UTRN: variants seen among roughly 807,000 people sequenced by gnomAD.
The protein encoded by UTRN is dystrophin-related protein 1.
In UTRN, 283 loss-of-function variants were observed where a neutral mutation model predicts 463.9. That is an observed-to-expected ratio of 0.61 (90% CI 0.55 to 0.67). The LOEUF is 0.67. Ranked by LOEUF, UTRN falls within the 30% of genes least tolerant of loss-of-function variation. UTRN has a pLI of 0.00. For synonymous variants in UTRN, 1,442 were observed against 1,431.5 expected, an observed-to-expected ratio of 1.01 and a Z score of -0.17; for missense variants, 3,922 against 4,084.3, an observed-to-expected ratio of 0.96 and a Z score of 1.08.
rs1426355314 is a variant in UTRN, at chr6:144,491,069, T to G, written c.4404T>G (p.Pro1468=). The G allele has an allele frequency of 2.5e-6, 4 of 1,612,652 alleles. No homozygotes were observed. The highest frequency in any genetic ancestry group is 2.5e-6 in the Non-Finnish European group (3 of 1,179,574). The change falls in exon 32 of 75, where the codon CCT becomes CCG. Residue 1468 remains proline, a synonymous_variant. Transcript: ENST00000367545. ...TTCTGGATGTGAAGGACGTAGACCC[T>G]GACGTCATACAGACGCACCTGGACA... The part of the protein sequence containing the change: ...LHVLDVKDVD[P]DVIQTHLDKC...
At position 144,825,031 on chromosome 6, in the gene UTRN, G is replaced by A. The variant is rs536977838; in HGVS notation, c.9495-2317G>A. 7.9e-5 allele frequency among the ~76,000 whole-genome samples: 12 copies of A among 151,950 alleles called. No individual in the cohort carries two copies. In the South Asian group the frequency reaches 1.7e-3, roughly 21 times the overall value. On this transcript the variant is annotated intron_variant, in intron 66 of 74. Transcript: ENST00000367545. ...ACACCTGGGCTCAAGTGATCCTCCC[G>A]CCTCAGCCTCCCAAAGTGCTGAGAT...
At chr6:144,606,583 T>C (rs1585531208) in intron 51 of UTRN, among the ~76,000 whole-genome samples, 1 of 152,194 alleles carries the variant, frequency 6.6e-6, no homozygotes, top group African/African-American at 2.4e-5. Context: ...CTCAAATTGA[T>C]CTGGGTCTTA....
At chr6:144,435,295 A>G (rs1361798939) in intron 9 of UTRN, among the ~76,000 whole-genome samples, 2 of 152,230 alleles carry the variant, frequency 1.3e-5, no homozygotes, top group African/African-American at 4.8e-5. Context: ...AAGCTCTTAA[A>G]GTATATATGG....
intron 51 of UTRN, among the ~76,000 whole-genome samples, chr6:144,603,987 A>G (rs1035815031): frequency 1.3e-5 from 2 of 152,240 alleles, no homozygotes; most frequent in Admixed American, 6.5e-5. Context: ...GATGCTTTCC[A>G]GAATATGAAT....
At position 144,449,558 on chromosome 6, in the gene UTRN, A is replaced by T. The variant is rs1168381191; in HGVS notation, c.2072+789A>T. On this transcript the variant is annotated intron_variant, in intron 17 of 74. Transcript: ENST00000367545. The stretch of plus-strand genomic sequence containing the variant: ...ATGGCCGTCTCTTCTCTGAAATATT[A>T]AATAGAAAGCTGCTGTTAAGATGAC... Among the ~76,000 whole-genome samples, 3 of 152,322 alleles carry T rather than the reference A, an allele frequency of 2.0e-5. No individual in the cohort carries two copies. The East Asian group carries it at 5.8e-4, about 29-fold the overall frequency.
At chr6:144,741,791 T>G (rs942473876) in intron 54 of UTRN, among the ~76,000 whole-genome samples, 1 of 152,210 alleles carries the variant, frequency 6.6e-6, no homozygotes, top group African/African-American at 2.4e-5. Context: ...TGGAGTTGCG[T>G]CTGTCTAGTG....
At position 144,751,967 on chromosome 6, in the gene UTRN, C is replaced by A. The variant is rs912018787; in HGVS notation, c.8355+15C>A. On this transcript the variant is annotated intron_variant, in intron 56 of 74. Transcript: ENST00000367545. Reference sequence around the variant, plus strand: ...AACTTTTACAGGTATCAGCTTATTCCCCTTCATAATGCAGGCTTACACCTT... The same window carrying A: ...AACTTTTACAGGTATCAGCTTATTCACCTTCATAATGCAGGCTTACACCTT... 5.0e-6 allele frequency: 8 copies of A among 1,596,296 alleles called. No individual in the cohort carries two copies. Among genetic ancestry groups the A allele is most frequent in the Non-Finnish European group, 6.8e-6 (8 of 1,172,568 alleles).
At chr6:144,777,290 A>G (rs969887295) in intron 60 of UTRN, among the ~76,000 whole-genome samples, 1 of 152,248 alleles carries the variant, frequency 6.6e-6, no homozygotes, top group South Asian at 2.1e-4. Context: ...ACAAAAATCA[A>G]TGAGCTAGTA....
In UTRN at chr6:144,429,736, A is replaced by G; in HGVS notation, c.850A>G (p.Ile284Val). 1 of 1,610,814 alleles carries G rather than the reference A, an allele frequency of 6.2e-7. No individual in the cohort carries two copies. The highest frequency in any genetic ancestry group is 8.5e-7 in the Non-Finnish European group (1 of 1,178,806). ...KKECEEEAIN[I>V]QSTAPEEEHE... ...AGAATGTGAAGAAGAGGCAATTAAT[A>G]TACAGGTACAGGTAACATTTTATTA... The change falls in exon 9 of 75, where the codon ATA becomes GTA. Residue 284 changes from isoleucine to valine, a missense_variant. Physicochemically the swap from Ile to Val is conservative, Grantham distance 29 (BLOSUM62 3). This residue lies in a region of UTRN where 2,349 missense variants were observed against 2,303.8 expected (regional missense o/e 1.02). Coordinates refer to ENST00000367545, the MANE Select transcript of UTRN (RefSeq NM_007124.3).
At chr6:144,673,863 A>G (rs1781307238) in intron 51 of UTRN, among the ~76,000 whole-genome samples, 1 of 152,092 alleles carries the variant, frequency 6.6e-6, no homozygotes, top group South Asian at 2.1e-4. Flanking sequence ...CTCAGCATTT[A>G]TTCATCTGAA....
intron 19 of UTRN, among the ~76,000 whole-genome samples, chr6:144,457,696 GC>G (rs1789000803): frequency 6.6e-6 from 1 of 152,118 alleles, no homozygotes; most frequent in African/African-American, 2.4e-5. Context: ...AGCATGATAT[GC>G]CCTCATTTAT....
At chr6:144,406,530 C>A (rs1783433137) in intron 3 of UTRN, among the ~76,000 whole-genome samples, 1 of 151,990 alleles carries the variant, frequency 6.6e-6, no homozygotes, top group Non-Finnish European at 1.5e-5. Context: ...CCATGCCCAG[C>A]TAATTTTTGT....
chr6:144,580,722 A>G (rs1278952325), intron 51 of UTRN, among the ~76,000 whole-genome samples: 1 of 152,220 alleles, frequency 6.6e-6, no homozygotes, highest in Non-Finnish European at 1.5e-5. Context: ...CCATGCAAGT[A>G]TTTATATTTT....
At chr6:144,341,094 C>G (rs1474629) in intron 2 of UTRN, among the ~76,000 whole-genome samples, 6,391 of 152,180 alleles carry the variant, frequency 0.042, 454 homozygotes, top group African/African-American at 0.14. Context: ...ATGGAAAGTT[C>G]TATTTGACAT....
intron 46 of UTRN, among the ~76,000 whole-genome samples, chr6:144,546,050 T>A (rs1798372500): frequency 6.6e-6 from 1 of 152,168 alleles, no homozygotes; most frequent in Admixed American, 6.5e-5. Context: ...CCCTTACACA[T>A]AATAGGTTCT....
intron 2 of UTRN, among the ~76,000 whole-genome samples, chr6:144,337,506 C>T (rs908139269): frequency 6.6e-6 from 1 of 152,140 alleles, no homozygotes; most frequent in Non-Finnish European, 1.5e-5. Context: ...TCTGTTTCCA[C>T]ATTAGAAAAT....
intron 3 of UTRN, among the ~76,000 whole-genome samples, chr6:144,406,665 C>T (rs1041363579): frequency 6.6e-6 from 1 of 152,196 alleles, no homozygotes; most frequent in African/African-American, 2.4e-5. Flanking sequence ...CCACGCCCGG[C>T]CTCCCCTTCC....
chr6:144,545,747 C>T (rs192736038), intron 46 of UTRN, among the ~76,000 whole-genome samples: 36 of 152,336 alleles, frequency 2.4e-4, no homozygotes, highest in Admixed American at 1.6e-3. Flanking sequence ...TGGCAGGGCA[C>T]GGTGGCTCAT....
intron 74 of UTRN, among the ~76,000 whole-genome samples, chr6:144,850,759 C>A (rs967946223): frequency 2.6e-5 from 4 of 152,188 alleles, no homozygotes; most frequent in African/African-American, 9.6e-5. Flanking sequence ...TGCTTCCAGC[C>A]TGGCCAAGAG....
Sources: allele counts gnomAD v4.1 joint callset (sites outside exome capture counted in the v4.1 genomes callset), GRCh38; gene constraint gnomAD v4.1.1; regional missense constraint gnomAD v4.1.1; transcripts MANE v1.5; gene names NCBI Gene and HGNC (gene_info 2026-07-23, HGNC 2026-07-21).